FBXW11: variants seen among roughly 807,000 people sequenced by gnomAD.
FBXW11 encodes the protein F-box and WD repeat domain containing 11, also known as F-box/WD repeat-containing protein 11.
Under a neutral mutation model 77.6 loss-of-function variants are expected in FBXW11, and 19 were observed. The ratio of observed to expected loss-of-function variants is 0.24; its 90% CI spans 0.17 to 0.36. The LOEUF is 0.36. Among genes scored for constraint, FBXW11 ranks in the 10% least tolerant of loss-of-function variants. The pLI is 1.00. For synonymous variants in FBXW11, 235 were observed against 249.4 expected (o/e 0.94, Z 0.54); for missense variants, 334 against 704.2 (o/e 0.47, Z 5.95).
intron 1 of FBXW11, among the ~76,000 whole-genome samples, chr5:171,968,390 G>A (rs1294122850): frequency 1.3e-5 from 2 of 151,630 alleles, no homozygotes; most frequent in Non-Finnish European, 2.9e-5. Context: ...CCCGGGAGGC[G>A]GAGCTTGCAG....
At chr5:171,958,321 A>G (rs1763723517) in intron 1 of FBXW11, among the ~76,000 whole-genome samples, 1 of 152,170 alleles carries the variant, frequency 6.6e-6, no homozygotes, top group African/African-American at 2.4e-5. Context: ...ATATCACCCC[A>G]ACTTTTATCA....
chr5:171,929,655 T>A (rs1762067274), intron 2 of FBXW11, among the ~76,000 whole-genome samples: 2 of 151,590 alleles, frequency 1.3e-5, no homozygotes, highest in Non-Finnish European at 2.9e-5. Flanking sequence ...ATCGAGACCA[T>A]CCTGGCTAAT....
At chr5:171,902,495 C>A (rs1342677821) in intron 4 of FBXW11, among the ~76,000 whole-genome samples, 2 of 152,172 alleles carry the variant, frequency 1.3e-5, no homozygotes, top group African/African-American at 4.8e-5. Context: ...CACAACCATA[C>A]ACAATCTTTT....
intron 1 of FBXW11, among the ~76,000 whole-genome samples, chr5:171,984,272 T>G (rs896414318): frequency 3.3e-5 from 5 of 152,242 alleles, no homozygotes; most frequent in African/African-American, 1.2e-4. Context: ...CATGTAAAAA[T>G]TCATTGAGCT....
intron 4 of FBXW11, among the ~76,000 whole-genome samples, chr5:171,905,112 G>T (rs2113903409): frequency 1.3e-5 from 2 of 152,154 alleles, no homozygotes; most frequent in East Asian, 3.9e-4. Flanking sequence ...TATTTCCTTT[G>T]TCTGATACTT....
chr5:171,930,546 A>G (rs1328833341), intron 2 of FBXW11, among the ~76,000 whole-genome samples: 1 of 152,062 alleles, frequency 6.6e-6, no homozygotes, highest in Non-Finnish European at 1.5e-5. Flanking sequence ...AAGAGTCATC[A>G]CCACTCCCTA....
chr5:171,951,803 AT>A (rs2113267959), intron 2 of FBXW11, among the ~76,000 whole-genome samples: 1 of 152,220 alleles, frequency 6.6e-6, no homozygotes, highest in South Asian at 2.1e-4. Context: ...TTGTTTAAAA[AT>A]TTTTTAATGC....
At chr5:171,907,854 C>A (rs1760629603) in intron 4 of FBXW11, among the ~76,000 whole-genome samples, 1 of 152,186 alleles carries the variant, frequency 6.6e-6, no homozygotes, top group Admixed American at 6.5e-5. Flanking sequence ...TGTATACTCC[C>A]TAAGAGATGG....
intron 2 of FBXW11, among the ~76,000 whole-genome samples, chr5:171,929,085 A>T (rs1762033121): frequency 1.3e-5 from 2 of 148,308 alleles, no homozygotes. Flanking sequence ...AAAAAATAAA[A>T]AATAGGCTGG....
chr5:171,878,585 TGTGTGTAA>T (rs1240049648), intron 7 of FBXW11, among the ~76,000 whole-genome samples: 1 of 71,676 alleles, frequency 1.4e-5, no homozygotes, highest in African/African-American at 3.6e-5. Flanking sequence ...TGTGTGTGTG[TGTGTGTAA>T]GAGAGAGAGA....
At chr5:171,982,383 CCTCA>C (rs79923891) in intron 1 of FBXW11, among the ~76,000 whole-genome samples, 124,186 of 151,818 alleles carry the variant, frequency 0.82, 52,858 homozygotes, top group East Asian at 0.98. Context: ...AATTCTCCTG[CCTCA>C]CTCAGCCTTC....
intron 2 of FBXW11, among the ~76,000 whole-genome samples, chr5:171,915,427 A>T (rs1761160444): frequency 6.6e-6 from 1 of 152,230 alleles, no homozygotes; most frequent in Non-Finnish European, 1.5e-5. Flanking sequence ...TGGACTATTT[A>T]TACAGTATTT....
chr5:171,956,214 C>T (rs902009869), intron 2 of FBXW11, among the ~76,000 whole-genome samples: 11 of 152,288 alleles, frequency 7.2e-5, no homozygotes, highest in Non-Finnish European at 1.5e-4. Flanking sequence ...TATAATAACG[C>T]AAATATCCAT....
At chr5:171,899,738 T>A (rs952967887) in intron 5 of FBXW11, among the ~76,000 whole-genome samples, 176 bp downstream of exon 5, 2 of 152,180 alleles carry the variant, frequency 1.3e-5, no homozygotes, top group Admixed American at 6.5e-5. Flanking sequence ...AAATACACAT[T>A]TCAGAGGGAG....
intron 1 of FBXW11, among the ~76,000 whole-genome samples, chr5:171,960,374 C>CA (rs1265142446): frequency 6.6e-6 from 1 of 152,118 alleles, no homozygotes; most frequent in African/African-American, 2.4e-5. Flanking sequence ...GATCCTGTCT[C>CA]AACAACAACA....
chr5:171,953,382 T>C (rs1763447439), intron 2 of FBXW11, among the ~76,000 whole-genome samples: 1 of 152,166 alleles, frequency 6.6e-6, no homozygotes, highest in Admixed American at 6.6e-5. Context: ...CCCAGAGTGC[T>C]ATAGGATAAT....
chr5:172,002,995 A>G (rs1462208570), intron 1 of FBXW11, among the ~76,000 whole-genome samples: 1 of 151,908 alleles, frequency 6.6e-6, no homozygotes, highest in Admixed American at 6.6e-5. Flanking sequence ...ACCTGCCCAC[A>G]CCTTCTTAAT....
chr5:171,970,516 C>A (rs1301229739), intron 1 of FBXW11, among the ~76,000 whole-genome samples: 1 of 152,178 alleles, frequency 6.6e-6, no homozygotes, highest in East Asian at 1.9e-4. Flanking sequence ...TCAAACCTTA[C>A]ATCATTTAAA....
intron 2 of FBXW11, among the ~76,000 whole-genome samples, chr5:171,919,213 A>T (rs1295782896): frequency 6.6e-6 from 1 of 152,150 alleles, no homozygotes; most frequent in African/African-American, 2.4e-5. Context: ...ACTATAAATA[A>T]CAGGAAGCCA....
Sources: gnomAD v4.1 joint callset for allele counts (sites outside exome capture counted in the v4.1 genomes callset) on GRCh38, gnomAD v4.1.1 for gene constraint, MANE v1.5 for transcripts, NCBI Gene and HGNC (gene_info 2026-07-23, HGNC 2026-07-21) for gene names.